Variants in MAST4 observed in about 807,000 individuals in gnomAD.
MAST4 encodes the protein microtubule-associated serine/threonine-protein kinase 4.
Under a neutral mutation model 162.7 loss-of-function variants are expected in MAST4, and 89 were observed. The ratio of observed to expected loss-of-function variants is 0.55; its 90% CI spans 0.46 to 0.65. The LOEUF is 0.65. MAST4 is among the 30% of genes least tolerant of loss of function. The probability of loss-of-function intolerance (pLI) is 0.00; values close to 1 mark genes in which losing one functional copy is unlikely to be tolerated. For missense variants in MAST4, 3,153 were observed against 3,374.0 expected (o/e 0.93, Z 1.62); for synonymous variants, 1,479 against 1,361.1 (o/e 1.09, Z -1.91).
At position 66,597,029 on chromosome 5, in the gene MAST4, C is replaced by T. The variant is rs1383185969; in HGVS notation, c.363+11C>T. 6 of 1,413,442 alleles carry T rather than the reference C, an allele frequency of 4.2e-6. No individual in the cohort carries two copies. Among genetic ancestry groups the T allele is most frequent in the Non-Finnish European group, 3.7e-6 (4 of 1,092,688 alleles). 87.6% of individuals were successfully genotyped at this position (1,413,442 alleles called of 1,614,324 possible). ...GAGCAGGACGAGGAGGTGGGCCTTT[C>T]CCCAGCTTGCCCACTCTGGGTTCCG... On this transcript the variant is annotated intron_variant, in intron 1 of 28. Transcript: ENST00000403625.
intron 19 of MAST4, among the ~76,000 whole-genome samples, chr5:67,140,266 C>A (rs1770205807): frequency 6.6e-6 from 1 of 152,244 alleles, no homozygotes; most frequent in Admixed American, 6.5e-5. Context: ...TGCTGACGAC[C>A]TCCATGTTGG....
In MAST4 at chr5:66,751,804, A is replaced by C. The variant is rs376786686; in HGVS notation, c.364-7905A>C. Among the ~76,000 whole-genome samples the C allele has an allele frequency of 4.7e-5, 7 of 149,234 alleles. No homozygotes were observed. In the East Asian group the frequency reaches 5.8e-4, roughly 12 times the overall value. On this transcript the variant is annotated intron_variant, in intron 1 of 28. Coordinates refer to ENST00000403625, the MANE Select transcript of MAST4 (RefSeq NM_001164664.2). ...AGGAAATACAGAGAACGCCACAAAG[A>C]TACTCCTCGAGAAGAGCAACTCCAA... is the stretch of plus-strand genomic sequence containing the variant.
intron 2 of MAST4, among the ~76,000 whole-genome samples, chr5:66,780,790 C>T (rs1008365978): frequency 2.0e-5 from 3 of 152,292 alleles, no homozygotes; most frequent in Non-Finnish European, 4.4e-5. Flanking sequence ...AGTCCTTTAG[C>T]TAGACCCAGA....
At chr5:66,776,084 T>C (rs533423747) in intron 2 of MAST4, among the ~76,000 whole-genome samples, 2 of 152,338 alleles carry the variant, frequency 1.3e-5, no homozygotes, top group East Asian at 3.9e-4. Flanking sequence ...ATGTAAGAGT[T>C]TCCTTGTAAA....
chr5:66,872,942 C>T (rs6866474), intron 3 of MAST4, among the ~76,000 whole-genome samples: 3,038 of 152,258 alleles, frequency 0.02, 88 homozygotes, highest in African/African-American at 0.068. Flanking sequence ...TTGGCATTTG[C>T]AGAAATACTG....
rs145396904 is a variant in MAST4, at chr5:66,960,087, C to T, written c.674+60105C>T. ...GTAAAATATAAATCCGGTAGACAAA[C>T]ATAAATATCCCTCTTTCTAACTTAC... On this transcript the variant is annotated intron_variant, in intron 4 of 28. Transcript: ENST00000403625. Among the ~76,000 whole-genome samples, 725 of 152,280 alleles carry T rather than the reference C, an allele frequency of 4.8e-3. 6 individuals are homozygous for T. Among genetic ancestry groups the T allele is most frequent in the African/African-American group, 0.016 (682 of 41,542 alleles).
intron 24 of MAST4, among the ~76,000 whole-genome samples, chr5:67,151,922 C>T (rs1484820482): frequency 2.0e-5 from 3 of 152,038 alleles, no homozygotes; most frequent in Non-Finnish European, 2.9e-5. Context: ...CACATGCCAC[C>T]TTTCCTGGCT....
intron 2 of MAST4, among the ~76,000 whole-genome samples, chr5:66,768,733 A>C (rs566081663): frequency 6.4e-4 from 97 of 152,280 alleles, no homozygotes; most frequent in African/African-American, 2.3e-3. Context: ...CTCAATGTCC[A>C]TTCTTGGGTT....
At chr5:67,119,674 T>C (rs1271681920) in intron 13 of MAST4, among the ~76,000 whole-genome samples, 1 of 152,240 alleles carries the variant, frequency 6.6e-6, no homozygotes, top group Non-Finnish European at 1.5e-5. Flanking sequence ...ACTCATAATT[T>C]TGAATGTATT....
chr5:66,700,451 G>A (rs536318840), intron 1 of MAST4, among the ~76,000 whole-genome samples: 12 of 152,014 alleles, frequency 7.9e-5, no homozygotes, highest in Admixed American at 6.6e-4. Context: ...GTCAGAACTG[G>A]TGGGTGGATC....
Position 66,874,572 on chromosome 5 carries a change from G to A in MAST4, c.643-25379G>A, listed in dbSNP as rs115306136. On this transcript the variant is annotated intron_variant, in intron 3 of 28. Coordinates refer to ENST00000403625, the MANE Select transcript of MAST4 (RefSeq NM_001164664.2). ...TAGCATCTGATCAATTTCAAAACCC[G>A]AAAGTGTTGTAACAGTCTACCCTTC... Among the ~76,000 whole-genome samples, 393 of 152,274 alleles carry A rather than the reference G, an allele frequency of 2.6e-3. 2 individuals carry two copies. The highest frequency in any genetic ancestry group is 8.8e-3 in the African/African-American group (367 of 41,564).
intron 10 of MAST4, among the ~76,000 whole-genome samples, chr5:67,106,963 G>C (rs1388731004): frequency 6.6e-6 from 1 of 152,194 alleles, no homozygotes; most frequent in Non-Finnish European, 1.5e-5. Context: ...ATCTAATTCT[G>C]CTGTTGCTTT....
Position 67,168,215 on chromosome 5 carries a change from G to T in MAST4, c.*1164G>T, listed in dbSNP as rs1774262879. ...TCAGATACATTTTAATACATAGCTG[G>T]GGCCTTATGTTGTAGATGAAGCTTG... is the stretch of plus-strand genomic sequence containing the variant. On this transcript the variant is annotated 3_prime_UTR_variant, in exon 29 of 29. Transcript: ENST00000403625. The T allele has an allele frequency of 6.6e-6, 1 of 151,944 alleles. No homozygotes were observed. Among genetic ancestry groups the T allele is most frequent in the East Asian group, 1.9e-4 (1 of 5,192 alleles). 9.4% of individuals were successfully genotyped at this position (151,944 alleles called of 1,614,324 possible).
chr5:66,842,037 A>G (rs942736220), intron 3 of MAST4, among the ~76,000 whole-genome samples: 2 of 152,206 alleles, frequency 1.3e-5, no homozygotes, highest in Non-Finnish European at 2.9e-5. Flanking sequence ...TGCTGCAATT[A>G]GGAAGGCATG....
At chr5:66,909,892 C>T (rs1189343873) in intron 4 of MAST4, among the ~76,000 whole-genome samples, 1 of 152,212 alleles carries the variant, frequency 6.6e-6, no homozygotes, top group Non-Finnish European at 1.5e-5. Flanking sequence ...TTCTTCTGCA[C>T]AAGCTCTCTT....
intron 1 of MAST4, among the ~76,000 whole-genome samples, chr5:66,745,097 G>A (rs928160272): frequency 6.6e-6 from 1 of 152,140 alleles, no homozygotes; most frequent in African/African-American, 2.4e-5. Context: ...CCTGTGAGTA[G>A]GATATAATTA....
chr5:66,626,314 G>A (rs1450371210), intron 1 of MAST4, among the ~76,000 whole-genome samples: 1 of 152,114 alleles, frequency 6.6e-6, no homozygotes, highest in Non-Finnish European at 1.5e-5. Flanking sequence ...ATTTCACAAT[G>A]TATATGTTTT....
intron 16 of MAST4, among the ~76,000 whole-genome samples, chr5:67,132,292 A>G (rs1181809602): frequency 6.6e-6 from 1 of 152,176 alleles, no homozygotes; most frequent in East Asian, 1.9e-4. Flanking sequence ...CGTCATCTAC[A>G]TTAGGTATTT....
intron 3 of MAST4, among the ~76,000 whole-genome samples, chr5:66,883,596 T>C (rs1371607221): frequency 1.3e-5 from 2 of 151,788 alleles, no homozygotes; most frequent in African/African-American, 4.8e-5. Flanking sequence ...ACCCGGCTAA[T>C]TTTTGTATTT....
Sources: allele counts gnomAD v4.1 joint callset (sites outside exome capture counted in the v4.1 genomes callset), GRCh38; gene constraint gnomAD v4.1.1; transcripts MANE v1.5; gene names NCBI Gene and HGNC (gene_info 2026-07-23, HGNC 2026-07-21).